The following PINK1 variants were observed in gnomAD, a reference collection of about 807,000 sequenced individuals.
The protein encoded by PINK1 is PTEN induced kinase 1.
Under a neutral mutation model 56.0 loss-of-function variants are expected in PINK1, and 58 were observed. That is an observed-to-expected ratio of 1.04 (90% CI 0.84 to 1.29). The LOEUF is 1.29. Ranked by LOEUF, PINK1 falls within the 50% of genes most tolerant of loss-of-function variation. The pLI is 0.00. For missense variants in PINK1, 745 were observed against 777.9 expected (o/e 0.96, Z 0.50); for synonymous variants, 354 against 339.3 (o/e 1.04, Z -0.48).
intron 5 of PINK1, 88 bp downstream of exon 5, chr1:20,645,811 GGTTTTGTGTTCT>G: frequency 6.5e-7 from 1 of 1,534,386 alleles, no homozygotes; most frequent in Non-Finnish European, 9.0e-7. Flanking sequence ...GGTCCTCTCT[GGTTTTGTGTTCT>G]AAGTCATGTC....
Position 20,648,627 on chromosome 1 carries a change from C to G in PINK1, c.1246C>G (p.Pro416Ala). Residue 416 changes from proline (P) to alanine (A), a missense_variant, in exon 6 of 8, where the codon CCA becomes GCA. Pro to Ala is a conservative substitution (Grantham distance 27). Coordinates refer to ENST00000321556, the MANE Select transcript of PINK1 (RefSeq NM_032409.3). ...DRGGNGCLMA[P>A]EVSTARPGPR... Reference sequence around the variant, plus strand: ...GGGCGGAAACGGCTGTCTGATGGCCCCAGAGGTGAGTCCCGAGTGTGTCAT... The same window carrying G: ...GGGCGGAAACGGCTGTCTGATGGCCGCAGAGGTGAGTCCCGAGTGTGTCAT... 1 of 1,613,806 alleles carries G rather than the reference C, an allele frequency of 6.2e-7. No individual in the cohort carries two copies. The highest frequency in any genetic ancestry group is 1.1e-5 in the South Asian group (1 of 91,082).
intron 1 of PINK1, 53 bp downstream of exon 1, chr1:20,633,988 C>A (rs1189476959): frequency 2.1e-5 from 11 of 513,272 alleles, no homozygotes; most frequent in Admixed American, 4.4e-5. Flanking sequence ...AGCGCGGGGG[C>A]GGGTCCTCAG....
chr1:20,644,426 G>A, intron 3 of PINK1, 64 bp from the exon 4 acceptor site: 1 of 1,537,148 alleles, frequency 6.5e-7, no homozygotes, highest in East Asian at 2.2e-5. Flanking sequence ...GTGGCCTTAG[G>A]TTATTCTTTC....
intron 3 of PINK1, among the ~76,000 whole-genome samples, chr1:20,640,824 G>A (rs1400585031): frequency 6.6e-6 from 1 of 152,170 alleles, no homozygotes; most frequent in African/African-American, 2.4e-5. Flanking sequence ...GATCACTTGA[G>A]CCCAGGAGTT....
intron 5 of PINK1, chr1:20,648,184 A>AT: frequency 2.5e-6 from 1 of 396,792 alleles, no homozygotes; most frequent in South Asian, 2.2e-5. Context: ...CTCCTGGGGT[A>AT]TAAGGGCCCT....
intron 1 of PINK1, 75 bp downstream of exon 1, chr1:20,634,010 C>CCCTCAGGGGGGGGGGGGG: frequency 1.2e-6 from 1 of 804,532 alleles, no homozygotes; most frequent in Admixed American, 3.6e-5. Flanking sequence ...TGGGTGGGGG[C>CCCTCAGGGGGGGGGGGGG]GGGGCTAGGT....
chr1:20,641,207 T>G lies in PINK1; in HGVS notation c.776+1215T>G, dbSNP rs111505672. On this transcript the variant is annotated intron_variant, in intron 3 of 7. Coordinates refer to ENST00000321556, the MANE Select transcript of PINK1 (RefSeq NM_032409.3). This position sits in a 1 kb window ranked among gnomAD's most constrained non-coding sequence, Gnocchi z 4.0. The stretch of plus-strand genomic sequence containing the variant: ...ATGGTTTGGAGGTTTCCAATGTGAC[T>G]GGGAGTCCCTGCAGGCCGGTGGAGG... Among the ~76,000 whole-genome samples the G allele has an allele frequency of 6.8e-4, 103 of 152,330 alleles. 1 individual carries two copies. The highest frequency in any genetic ancestry group is 2.2e-3 in the African/African-American group (93 of 41,568).
chr1:20,644,816 C>T (rs1557564325), intron 4 of PINK1, 144 bp downstream of exon 4: 1 of 1,099,066 alleles, frequency 9.1e-7, no homozygotes, highest in South Asian at 1.5e-5. Context: ...GCAAAGGGAA[C>T]ATATCTGCCC....
intron 3 of PINK1, 82 bp from the exon 4 acceptor site, chr1:20,644,408 G>A (rs1448310591): frequency 7.2e-7 from 1 of 1,390,170 alleles, no homozygotes; most frequent in African/African-American, 1.4e-5. Context: ...GTCAGTGCCA[G>A]TGTTGGTGTG....
chr1:20,647,200 G>T (rs2053194248), intron 5 of PINK1, among the ~76,000 whole-genome samples: 1 of 151,756 alleles, frequency 6.6e-6, no homozygotes, highest in Admixed American at 6.6e-5. Flanking sequence ...GGGACTACAG[G>T]CGCCCACCAC....
intron 4 of PINK1, among the ~76,000 whole-genome samples, 193 bp downstream of exon 4, chr1:20,644,865 A>G (rs1196905442): frequency 6.6e-6 from 1 of 152,212 alleles, no homozygotes; most frequent in Non-Finnish European, 1.5e-5. Context: ...TTTCATGGAA[A>G]CAAACTCTCA....
In PINK1 at chr1:20,650,944, C is replaced by A; in HGVS notation, c.*253C>A. ...TGAGGCTGGACTGAGGAGGGGTAGG[C>A]CTGCATCCACAGAGAGGATCCAGGC... On this transcript the variant is annotated 3_prime_UTR_variant, in exon 8 of 8. Transcript: ENST00000321556. 1.8e-6 allele frequency: 1 copy of A among 545,152 alleles called. No individual in the cohort carries two copies. Among genetic ancestry groups the A allele is most frequent in the Non-Finnish European group, 3.3e-6 (1 of 303,432 alleles). 33.8% of individuals were successfully genotyped at this position (545,152 alleles called of 1,614,324 possible).
chr1:20,646,989 C>T (rs902819737), intron 5 of PINK1, among the ~76,000 whole-genome samples: 11 of 151,586 alleles, frequency 7.3e-5, no homozygotes, highest in Admixed American at 4.6e-4. Flanking sequence ...AAGCAATTCT[C>T]GTGCCTCCGC....
At position 20,650,498 on chromosome 1, in the gene PINK1, C is replaced by T. The variant is rs2053253036; in HGVS notation, c.1553C>T (p.Ala518Val). ...AGCCTCTGGGGTGAACATATTCTAG[C>T]CCTGAAGAATCTGAAGTTAGACAAG... ...HLSLWGEHIL[A>V]LKNLKLDKMV... is the part of the protein sequence containing the mutation. Residue 518 changes from alanine (A) to valine (V), a missense_variant, in exon 8 of 8, where the codon GCC (alanine) becomes GTC (valine). Physicochemically the swap from Ala to Val is moderately conservative, Grantham distance 64. Coordinates refer to ENST00000321556, the MANE Select transcript of PINK1 (RefSeq NM_032409.3). 8.1e-6 allele frequency: 13 copies of T among 1,614,204 alleles called. No homozygotes were observed. The highest frequency in any genetic ancestry group is 1.1e-5 in the Non-Finnish European group (13 of 1,180,030).
chr1:20,647,822 T>A, intron 5 of PINK1, among the ~76,000 whole-genome samples: 1 of 145,496 alleles, frequency 6.9e-6, no homozygotes, highest in East Asian at 2.0e-4. Flanking sequence ...AATAACCAAT[T>A]CTTTTTTTAT....
chr1:20,642,303 CAT>C (rs1454363345), intron 3 of PINK1, among the ~76,000 whole-genome samples: 4 of 152,168 alleles, frequency 2.6e-5, no homozygotes, highest in African/African-American at 9.7e-5. Flanking sequence ...TGAGTCGACT[CAT>C]ATGGAGACAG....
chr1:20,650,780 A>C lies in PINK1; in HGVS notation c.*89A>C. ...GTGAATGGTGAGGGTGGGAGTCAGG[A>C]GACAAGACAGCGCAGAGAGGGCTGG... On this transcript the variant is annotated 3_prime_UTR_variant, in exon 8 of 8. Transcript: ENST00000321556. 6.5e-7 allele frequency: 1 copy of C among 1,531,552 alleles called. No individual in the cohort carries two copies. The allele number at this position is 1,531,552 out of a possible 1,614,324, so 94.9% of individuals were successfully genotyped here.
At chr1:20,644,851 G>A (rs1046310145) in intron 4 of PINK1, among the ~76,000 whole-genome samples, 179 bp downstream of exon 4, 1 of 152,142 alleles carries the variant, frequency 6.6e-6, no homozygotes, top group Non-Finnish European at 1.5e-5. Context: ...CCTGTAGGAC[G>A]ATTTTTCATG....
intron 6 of PINK1, 62 bp downstream of exon 6, chr1:20,648,694 G>C (rs562920418): frequency 1.7e-5 from 27 of 1,602,232 alleles, no homozygotes; most frequent in Non-Finnish European, 2.2e-5. Context: ...ACTGAATGCA[G>C]GAGACTCGAT....
Sources: gnomAD v4.1 joint callset for allele counts (sites outside exome capture counted in the v4.1 genomes callset) on GRCh38, gnomAD v4.1.1 for gene constraint, Gnocchi (gnomAD v3.1) non-coding constraint, MANE v1.5 for transcripts, NCBI Gene and HGNC (gene_info 2026-07-23, HGNC 2026-07-21) for gene names.